SFI1: variants seen among roughly 807,000 people sequenced by gnomAD.
SFI1 encodes SFI1 centrin binding protein.
A neutral mutation model predicts 207.5 loss-of-function variants in SFI1; 195 were observed. The ratio of observed to expected loss-of-function variants is 0.94; its 90% confidence interval spans 0.84 to 1.06. SFI1 has a LOEUF of 1.06. Among genes scored for constraint, SFI1 ranks in the 50% least tolerant of loss-of-function variants. The pLI is 0.00. For synonymous variants in SFI1, 630 were observed against 598.9 expected (o/e 1.05, Z -0.76); for missense variants, 1,634 against 1,588.0 (o/e 1.03, Z -0.49).
At chr22:31,514,689 T>G (rs1432091072) in intron 2 of SFI1, among the ~76,000 whole-genome samples, 1 of 152,002 alleles carries the variant, frequency 6.6e-6, no homozygotes, top group East Asian at 1.9e-4. Context: ...CAGGTCATAT[T>G]TGTCTTTGTG....
chr22:31,563,618 C>G (rs2061958004), intron 8 of SFI1, among the ~76,000 whole-genome samples: 1 of 152,054 alleles, frequency 6.6e-6, no homozygotes, highest in Non-Finnish European at 1.5e-5. Context: ...GACAGTCTCA[C>G]TCTTTTGCCC....
chr22:31,535,412 A>G (rs978032582), intron 4 of SFI1, among the ~76,000 whole-genome samples: 5 of 144,568 alleles, frequency 3.5e-5, no homozygotes, highest in African/African-American at 1.3e-4. Flanking sequence ...CTGGTCTCGA[A>G]CTCCTGACCT....
At chr22:31,533,082 C>T (rs554582276) in intron 4 of SFI1, among the ~76,000 whole-genome samples, 25 of 152,314 alleles carry the variant, frequency 1.6e-4, no homozygotes, top group African/African-American at 4.8e-4. Context: ...AAGTCCCTCT[C>T]GGGCTCCTTC....
rs773764182 is a variant in SFI1, at chr22:31,613,235, C to G, written c.2565+19C>G. The G allele has an allele frequency of 6.2e-7, 1 of 1,613,340 alleles. No homozygotes were observed. The highest frequency in any genetic ancestry group is 1.1e-5 in the South Asian group (1 of 91,048). On this transcript the variant is annotated intron_variant, in intron 25 of 32. Transcript: ENST00000400288. ...GGCAAAGGTAATTGGGGCTCTGCAT[C>G]CTACCATCCCTGCCTCTCCCTCAGG...
chr22:31,516,341 C>T (rs766333438), intron 2 of SFI1, among the ~76,000 whole-genome samples: 7 of 151,736 alleles, frequency 4.6e-5, no homozygotes, highest in Non-Finnish European at 1.0e-4. Flanking sequence ...GGCAAAACCC[C>T]GTCTCTACTA....
intron 1 of SFI1, among the ~76,000 whole-genome samples, chr22:31,500,277 C>CAAA (rs150915256): frequency 1.0e-5 from 1 of 98,442 alleles, no homozygotes; most frequent in African/African-American, 3.8e-5. Context: ...GACTCTGTCT[C>CAAA]AAAAAAAAAA....
At chr22:31,544,710 G>A (rs180917307) in intron 4 of SFI1, among the ~76,000 whole-genome samples, 57 of 152,132 alleles carry the variant, frequency 3.7e-4, no homozygotes, top group African/African-American at 1.3e-3. Flanking sequence ...AGCCATGACT[G>A]TACCACTGCA....
intron 2 of SFI1, among the ~76,000 whole-genome samples, chr22:31,523,225 C>T (rs1162860992): frequency 6.6e-6 from 1 of 152,288 alleles, no homozygotes; most frequent in Non-Finnish European, 1.5e-5. Context: ...ATTCCTTCTA[C>T]TGCCAGTAAA....
intron 3 of SFI1, 124 bp downstream of exon 3, chr22:31,528,987 GGTA>G: frequency 2.2e-6 from 2 of 927,810 alleles, no homozygotes; most frequent in Non-Finnish European, 3.2e-6. Flanking sequence ...GCCTGTTCTT[GGTA>G]GTAGAATGTT....
intron 2 of SFI1, among the ~76,000 whole-genome samples, chr22:31,525,585 C>G (rs1041942529): frequency 1.3e-5 from 2 of 152,050 alleles, no homozygotes; most frequent in African/African-American, 4.8e-5. Context: ...CAGGTGGTAG[C>G]ATGTACTTGT....
chr22:31,615,384 C>A, intron 29 of SFI1, 105 bp downstream of exon 29: 1 of 1,077,284 alleles, frequency 9.3e-7, no homozygotes, highest in Non-Finnish European at 1.3e-6. Context: ...AACCTTGGCA[C>A]AGGGAGGCCA....
intron 14 of SFI1, 58 bp from the exon 15 acceptor site, chr22:31,589,389 A>C: frequency 2.2e-5 from 29 of 1,337,310 alleles, no homozygotes; most frequent in African/African-American, 3.0e-5. Context: ...TGACCCTGAG[A>C]GGTCATGTTT....
At chr22:31,539,444 G>A (rs1423715180) in intron 4 of SFI1, among the ~76,000 whole-genome samples, 1 of 152,086 alleles carries the variant, frequency 6.6e-6, no homozygotes, top group Non-Finnish European at 1.5e-5. Context: ...ATTTCCGAGA[G>A]CTTGTTCTTG....
At chr22:31,533,813 T>C (rs1424832410) in intron 4 of SFI1, among the ~76,000 whole-genome samples, 4 of 144,786 alleles carry the variant, frequency 2.8e-5, no homozygotes, top group East Asian at 4.0e-4. Context: ...GGAGAATTGA[T>C]CTAAATTGCT....
intron 1 of SFI1, among the ~76,000 whole-genome samples, chr22:31,502,708 G>A (rs1447521546): frequency 6.6e-6 from 1 of 152,058 alleles, no homozygotes; most frequent in East Asian, 1.9e-4. Context: ...CATCATGGGT[G>A]GTAGCACTTC....
In SFI1 at chr22:31,616,901, G is replaced by A. The variant is rs767893629; in HGVS notation, c.3433+24G>A. On this transcript the variant is annotated intron_variant, in intron 30 of 32. Coordinates refer to ENST00000400288, the MANE Select transcript of SFI1 (RefSeq NM_001007467.3). ...AGGTGTGTACCTGGGGCCTGTCAGG[G>A]CAGAAAGCACTCAGGCCACTCCCGG... 5 of 1,607,626 alleles carry A rather than the reference G, an allele frequency of 3.1e-6. No individual in the cohort carries two copies. In the Admixed American group the frequency reaches 8.4e-5, roughly 27 times the overall value.
rs935825834 is a variant in SFI1, at chr22:31,567,898, G to A, written c.766-5160G>A. On this transcript the variant is annotated intron_variant, in intron 8 of 32. Transcript: ENST00000400288. ...TACAATATTTTGACTGTTCACCCTG[G>A]TGGAATGTGTTAAAAGGACGTAATG... 2.6e-5 allele frequency among the ~76,000 whole-genome samples: 4 copies of A among 152,032 alleles called. 1 individual carries two copies. The highest frequency in any genetic ancestry group is 1.3e-4 in the Admixed American group (2 of 15,252).
At chr22:31,507,441 A>C (rs2054803932) in intron 1 of SFI1, among the ~76,000 whole-genome samples, 1 of 152,242 alleles carries the variant, frequency 6.6e-6, no homozygotes, top group Non-Finnish European at 1.5e-5. Context: ...AGACATAGGC[A>C]CAGGCAAAGA....
intron 4 of SFI1, among the ~76,000 whole-genome samples, chr22:31,544,419 T>C (rs2059887941): frequency 6.9e-6 from 1 of 145,726 alleles, no homozygotes; most frequent in African/African-American, 2.5e-5. Flanking sequence ...TACTACTTTT[T>C]AGTAATAAAA....
Sources: allele counts gnomAD v4.1 joint callset (sites outside exome capture counted in the v4.1 genomes callset), GRCh38; gene constraint gnomAD v4.1.1; transcripts MANE v1.5; gene names NCBI Gene and HGNC (gene_info 2026-07-23, HGNC 2026-07-21).